MTCL1: variants seen among roughly 807,000 people sequenced by gnomAD.
MTCL1 encodes microtubule crosslinking factor 1.
In MTCL1, 79 loss-of-function variants were observed where a neutral mutation model predicts 141.4. The ratio of observed to expected loss-of-function variants is 0.56; its 90% CI spans 0.47 to 0.67. MTCL1 has a LOEUF of 0.67. Ranked by LOEUF, MTCL1 falls within the 30% of genes least tolerant of loss-of-function variation. The probability of loss-of-function intolerance (pLI) is 0.00; values close to 1 mark genes in which losing one functional copy is unlikely to be tolerated. For synonymous variants in MTCL1, 914 were observed against 875.8 expected, an observed-to-expected ratio of 1.04 and a Z score of -0.77; for missense variants, 2,177 against 2,113.9, an observed-to-expected ratio of 1.03 and a Z score of -0.59.
At chr18:8,785,960 T>C in exon 7 of MTCL1, 1 of 1,599,206 alleles carries the variant, frequency 6.3e-7, no homozygotes, top group Admixed American at 1.7e-5. Context: ...GCAGCTGGAG[T>C]GGCAGCTCGG....
chr18:8,735,682 G>A (rs1228228984), intron 4 of MTCL1, among the ~76,000 whole-genome samples: 1 of 152,182 alleles, frequency 6.6e-6, no homozygotes, highest in African/African-American at 2.4e-5. Flanking sequence ...AATGAAAGCA[G>A]GAGATAGAGC....
At chr18:8,772,680 GTTATATC>G (rs2096489713) in intron 4 of MTCL1, among the ~76,000 whole-genome samples, 1 of 151,208 alleles carries the variant, frequency 6.6e-6, no homozygotes, top group Non-Finnish European at 1.5e-5. Context: ...TAAAAAGTAT[GTTATATC>G]TTAAATATAA....
Position 8,822,805 on chromosome 18 carries a change from GC to G in MTCL1, c.3188+1308del, listed in dbSNP as rs375206229. 3.8e-3 allele frequency among the ~76,000 whole-genome samples: 574 copies of G among 152,220 alleles called. 7 individuals carry two copies. Among genetic ancestry groups the G allele is most frequent in the African/African-American group, 0.013 (557 of 41,528 alleles). ...CACCCTCCCACCTTCCCCGTTCACA[GC>G]AGCAGCCACATCAGTGTTTCCGGTT... is the stretch of plus-strand genomic sequence containing the variant. On this transcript the variant is annotated intron_variant, in intron 14 of 16. Transcript: ENST00000359865. The surrounding 1 kb of genome is among the most constrained non-coding windows in gnomAD (Gnocchi z 4.6).
chr18:8,786,711 G>A (rs546935158), intron 7 of MTCL1: 10 of 236,016 alleles, frequency 4.2e-5, no homozygotes, highest in East Asian at 2.7e-4. Context: ...CGGGTCACCC[G>A]ACCCGGGACA....
intron 4 of MTCL1, among the ~76,000 whole-genome samples, chr18:8,774,064 C>CCT (rs1158082516): frequency 1.4e-4 from 21 of 152,192 alleles, no homozygotes; most frequent in African/African-American, 4.3e-4. Context: ...TCTACTCCGC[C>CCT]CTCGCAGTGG....
At chr18:8,825,375 T>C in exon 15 of MTCL1, 1 of 1,537,708 alleles carries the variant, frequency 6.5e-7, no homozygotes, top group Non-Finnish European at 8.8e-7. Context: ...GGAGGTGGCC[T>C]TCTCTGTCAG....
At chr18:8,781,327 C>A (rs533088272) in intron 5 of MTCL1, among the ~76,000 whole-genome samples, 1 of 152,160 alleles carries the variant, frequency 6.6e-6, no homozygotes, top group South Asian at 2.1e-4. Context: ...ATTACCCCAG[C>A]AGCGATGATA....
At chr18:8,784,006 C>T (rs750500831) in exon 6 of MTCL1, 1 of 1,613,732 alleles carries the variant, frequency 6.2e-7, no homozygotes, top group South Asian at 1.1e-5. Context: ...TCGAAGACCA[C>T]AACCGGCAAC....
At chr18:8,823,509 A>G (rs2076914867) in intron 14 of MTCL1, among the ~76,000 whole-genome samples, 1 of 152,220 alleles carries the variant, frequency 6.6e-6, no homozygotes, top group African/African-American at 2.4e-5. Flanking sequence ...AGAAGAGGGA[A>G]ATTCATACTT....
chr18:8,776,984 C>T (rs955239779), intron 4 of MTCL1, among the ~76,000 whole-genome samples: 2 of 151,908 alleles, frequency 1.3e-5, no homozygotes, highest in Admixed American at 6.5e-5. Flanking sequence ...CCTGCAATCC[C>T]AGCACTTTGG....
intron 4 of MTCL1, among the ~76,000 whole-genome samples, chr18:8,759,160 G>A (rs757923579): frequency 4.6e-5 from 7 of 152,242 alleles, no homozygotes; most frequent in Non-Finnish European, 8.8e-5. Flanking sequence ...TCACATGCAC[G>A]ATGACGCTGA....
chr18:8,786,336 ACCT>A (rs1568036249), intron 7 of MTCL1: 1 of 687,294 alleles, frequency 1.5e-6, no homozygotes. Flanking sequence ...GGCACTGTCC[ACCT>A]CCTGTTTCCG....
chr18:8,784,872 G>C, intron 6 of MTCL1, 29 bp downstream of exon 5: 1 of 1,518,038 alleles, frequency 6.6e-7, no homozygotes. Context: ...TCGCCTCCCT[G>C]CTCCGCCTTG....
chr18:8,708,315 C>T (rs930708521), intron 1 of MTCL1, among the ~76,000 whole-genome samples: 1 of 152,122 alleles, frequency 6.6e-6, no homozygotes, highest in African/African-American at 2.4e-5. Context: ...GTAGGCTATC[C>T]ATCATTTTGA....
intron 16 of MTCL1, chr18:8,831,265 T>C (rs1269093709): frequency 9.1e-7 from 1 of 1,102,366 alleles, no homozygotes; most frequent in Non-Finnish European, 1.1e-6. Flanking sequence ...CAGATAGGAA[T>C]ATGATGAAGT....
At chr18:8,744,765 T>G (rs1332280704) in intron 4 of MTCL1, among the ~76,000 whole-genome samples, 1 of 152,224 alleles carries the variant, frequency 6.6e-6, no homozygotes, top group African/African-American at 2.4e-5. Context: ...CACAGCCCCC[T>G]TTATTCAAGA....
intron 9 of MTCL1, among the ~76,000 whole-genome samples, chr18:8,797,113 C>T (rs1375474140): frequency 6.6e-6 from 1 of 152,212 alleles, no homozygotes; most frequent in East Asian, 1.9e-4. Context: ...CCGCTCCCGT[C>T]TCCTTTGCTG....
At chr18:8,771,866 C>G (rs963925062) in intron 4 of MTCL1, among the ~76,000 whole-genome samples, 6 of 152,206 alleles carry the variant, frequency 3.9e-5, no homozygotes, top group Non-Finnish European at 7.3e-5. Context: ...GGCAAAGCCC[C>G]CACTGGGGGG....
chr18:8,802,666 G>A (rs1283197519), intron 10 of MTCL1, among the ~76,000 whole-genome samples: 2 of 152,202 alleles, frequency 1.3e-5, no homozygotes, highest in Non-Finnish European at 2.9e-5. Flanking sequence ...CTGTTAAAAA[G>A]TTTGACATAT....
Sources: gnomAD v4.1 joint callset for allele counts (sites outside exome capture counted in the v4.1 genomes callset) on GRCh38, gnomAD v4.1.1 for gene constraint, Gnocchi (gnomAD v3.1) non-coding constraint, MANE v1.5 for transcripts, NCBI Gene and HGNC (gene_info 2026-07-23, HGNC 2026-07-21) for gene names.